The following TBCK variants were observed in gnomAD, a reference collection of about 807,000 sequenced individuals.
TBCK encodes TBC domain-containing protein kinase-like protein.
A neutral mutation model predicts 113.4 loss-of-function variants in TBCK; 99 were observed. The ratio of observed to expected loss-of-function variants is 0.87; its 90% CI spans 0.74 to 1.03. The LOEUF is 1.03. Among genes scored for constraint, TBCK ranks in the 50% least tolerant of loss-of-function variants. The pLI, the probability that TBCK is intolerant of heterozygous loss-of-function variation, is 0.00. For missense variants in TBCK, 1,045 were observed against 1,061.3 expected (o/e 0.98, Z 0.21); for synonymous variants, 369 against 370.8 (o/e 1.00, Z 0.05).
intron 19 of TBCK, among the ~76,000 whole-genome samples, chr4:106,224,118 T>G (rs973080470): frequency 6.6e-6 from 1 of 152,052 alleles, no homozygotes; most frequent in African/African-American, 2.4e-5. Context: ...TTAAATTTAT[T>G]ATATCTTAAA....
rs1030829291 is a variant in TBCK, at chr4:106,117,172, G to C, written c.2236-794C>G. On this transcript the variant is annotated intron_variant, in intron 23 of 25. Transcript: ENST00000394708. ...GGGTCAAACATGTAGAAAGAGATGA[G>C]GCAAAGATTTCCTTATGAGAGTGCT... is the stretch of plus-strand genomic sequence containing the variant. Among the ~76,000 whole-genome samples the C allele has an allele frequency of 1.7e-4, 26 of 152,052 alleles. 1 individual carries two copies. Among genetic ancestry groups the C allele is most frequent in the Non-Finnish European group, 3.2e-4 (22 of 67,970 alleles).
chr4:106,169,165 T>G (rs144661699), intron 23 of TBCK, among the ~76,000 whole-genome samples: 1 of 152,212 alleles, frequency 6.6e-6, no homozygotes, highest in East Asian at 1.9e-4. Context: ...TTCAATGTAA[T>G]CCCAATCAAA....
At chr4:106,281,882 T>G (rs1204353692) in intron 3 of TBCK, among the ~76,000 whole-genome samples, 1 of 152,060 alleles carries the variant, frequency 6.6e-6, no homozygotes, top group Non-Finnish European at 1.5e-5. Context: ...TGATGTGTCT[T>G]TTTCTGGTTT....
chr4:106,296,218 C>T (rs1240881214), intron 2 of TBCK, among the ~76,000 whole-genome samples: 1 of 152,092 alleles, frequency 6.6e-6, no homozygotes, highest in Non-Finnish European at 1.5e-5. Flanking sequence ...GTACAACTGG[C>T]TTTACAAGCT....
chr4:106,265,063 G>A (rs1265074847), intron 3 of TBCK, among the ~76,000 whole-genome samples: 4 of 151,784 alleles, frequency 2.6e-5, no homozygotes, highest in Non-Finnish European at 5.9e-5. Context: ...TATGTCTAAT[G>A]TGGGCATATT....
At chr4:106,082,130 C>T (rs1020456530) in intron 25 of TBCK, among the ~76,000 whole-genome samples, 10 of 152,178 alleles carry the variant, frequency 6.6e-5, no homozygotes, top group Admixed American at 1.3e-4. Flanking sequence ...ATTCTTCTGC[C>T]AAAAATACAT....
intron 3 of TBCK, among the ~76,000 whole-genome samples, chr4:106,273,616 A>G (rs753099838): frequency 9.9e-5 from 15 of 152,214 alleles, no homozygotes; most frequent in Non-Finnish European, 1.9e-4. Context: ...TTCAATGTCG[A>G]GCGTTCTTAT....
rs1395821963 is a variant in TBCK at position 106,046,145 on chromosome 4, A to C, written c.*425T>G. On this transcript the variant is annotated 3_prime_UTR_variant, in exon 26 of 26. Transcript: ENST00000394708. The stretch of plus-strand genomic sequence containing the variant: ...AGGAATGCATTGTGAATAGTTTCTC[A>C]GTTTTCATTATGGAAAGATGATGAT... 1 of 154,746 alleles carries C rather than the reference A, an allele frequency of 6.5e-6. No homozygotes were observed. Among genetic ancestry groups the C allele is most frequent in the African/African-American group, 2.4e-5 (1 of 41,454 alleles). 9.6% of individuals were successfully genotyped at this position (154,746 alleles called of 1,614,324 possible).
intron 23 of TBCK, among the ~76,000 whole-genome samples, chr4:106,170,040 C>T (rs1162790670): frequency 2.0e-5 from 3 of 152,040 alleles, no homozygotes; most frequent in Admixed American, 6.6e-5. Context: ...TCACCTCCTG[C>T]TGTATGGCCT....
intron 25 of TBCK, among the ~76,000 whole-genome samples, chr4:106,088,771 C>T (rs1739816847): frequency 6.6e-6 from 1 of 152,136 alleles, no homozygotes; most frequent in Non-Finnish European, 1.5e-5. Flanking sequence ...ACATCATGTC[C>T]TTTGCAGGGA....
At chr4:106,108,643 G>A (rs1195638871) in intron 24 of TBCK, among the ~76,000 whole-genome samples, 1 of 152,134 alleles carries the variant, frequency 6.6e-6, no homozygotes, top group Non-Finnish European at 1.5e-5. Context: ...CAAAACCACA[G>A]TCAACATTAT....
chr4:106,117,919 G>A (rs904226375), intron 23 of TBCK, among the ~76,000 whole-genome samples: 1 of 151,616 alleles, frequency 6.6e-6, no homozygotes, highest in Non-Finnish European at 1.5e-5. Context: ...TGAGACAGGA[G>A]AATGGCGTGA....
chr4:106,231,759 G>C lies in TBCK; in HGVS notation c.1660C>G (p.Pro554Ala). The change falls in exon 18 of 26, where the codon CCA becomes GCA. Residue 554 changes from proline (P) to alanine (A), a missense_variant. Pro to Ala is a conservative substitution (Grantham distance 27, BLOSUM62 -1). Coordinates refer to ENST00000394708, the MANE Select transcript of TBCK (RefSeq NM_001163435.3). ...TTATTGAAGTTTAGATATAGGAATG[G>C]AGCACAAAGTGAGTCAAGACCTAAC... ...YWQGLDSLCA[P>A]FLYLNFNNEA... 1 of 1,609,880 alleles carries C rather than the reference G, an allele frequency of 6.2e-7. No homozygotes were observed. Among genetic ancestry groups the C allele is most frequent in the Non-Finnish European group, 8.5e-7 (1 of 1,177,898 alleles).
intron 23 of TBCK, among the ~76,000 whole-genome samples, chr4:106,156,510 G>T (rs1749141241): frequency 6.6e-6 from 1 of 152,236 alleles, no homozygotes; most frequent in East Asian, 1.9e-4. Context: ...GCGAGCCAGG[G>T]ACTTATGTCA....
chr4:106,290,706 AC>A (rs990844255), intron 3 of TBCK, among the ~76,000 whole-genome samples: 1 of 152,176 alleles, frequency 6.6e-6, no homozygotes, highest in African/African-American at 2.4e-5. Context: ...TGTACCTAGG[AC>A]TGCGCAGCAA....
rs565302036 is a variant in TBCK at position 106,179,308 on chromosome 4, A to G, written c.2060-8038T>C. Among the ~76,000 whole-genome samples, 49 of 151,726 alleles carry G rather than the reference A, an allele frequency of 3.2e-4. 2 individuals are homozygous for G. The South Asian group carries it at 0.01, about 31-fold the overall frequency. ...ATGTTTTGTTTGTTCCTGCTTTTCT[A>G]CTTCCTTGAGGTGCATTGTTAAGTT... On this transcript the variant is annotated intron_variant, in intron 22 of 25. Transcript: ENST00000394708.
intron 23 of TBCK, among the ~76,000 whole-genome samples, chr4:106,124,959 A>G (rs900356133): frequency 4.0e-5 from 6 of 151,434 alleles, no homozygotes; most frequent in African/African-American, 1.2e-4. Context: ...TATGTAACTA[A>G]CCTGCACAAT....
chr4:106,096,203 T>C (rs1740880075), intron 24 of TBCK, among the ~76,000 whole-genome samples: 1 of 152,198 alleles, frequency 6.6e-6, no homozygotes, highest in South Asian at 2.1e-4. Context: ...CATTAGTTTC[T>C]CAAACATTTC....
rs1759048060 is a variant in TBCK at position 106,233,075 on chromosome 4, A to G, written c.1513-11T>C. 6.2e-7 allele frequency: 1 copy of G among 1,606,532 alleles called. No homozygotes were observed. The highest frequency in any genetic ancestry group is 8.5e-7 in the Non-Finnish European group (1 of 1,174,978). ...AATATCCACTTCAATCTGTTAAAAT[A>G]GCAAAATAATAAGGTGAAACAGTAA... On this transcript the variant is annotated splice_polypyrimidine_tract_variant and intron_variant, in intron 16 of 25. Coordinates refer to ENST00000394708, the MANE Select transcript of TBCK (RefSeq NM_001163435.3).
Sources: allele counts gnomAD v4.1 joint callset (sites outside exome capture counted in the v4.1 genomes callset), GRCh38; gene constraint gnomAD v4.1.1; transcripts MANE v1.5; gene names NCBI Gene and HGNC (gene_info 2026-07-23, HGNC 2026-07-21).